Variants in CACNA1C observed in about 807,000 individuals in gnomAD.
CACNA1C encodes voltage-dependent L-type calcium channel subunit alpha-1C.
In CACNA1C, 30 loss-of-function variants were observed where a neutral mutation model predicts 229.0. The ratio of observed to expected loss-of-function variants is 0.13; its 90% CI spans 0.10 to 0.18. The LOEUF is 0.18. CACNA1C is among the 10% of genes least tolerant of loss of function. CACNA1C has a pLI of 1.00. For synonymous variants in CACNA1C, 1,114 were observed against 1,132.5 expected (o/e 0.98, Z 0.33); for missense variants, 1,658 against 2,845.0 (o/e 0.58, Z 9.49).
chr12:2,656,928 A>G (rs986085061), intron 34 of CACNA1C, among the ~76,000 whole-genome samples: 2 of 151,734 alleles, frequency 1.3e-5, no homozygotes, highest in African/African-American at 4.9e-5. Context: ...ACAAAAGTAT[A>G]TATGTAATAG....
At position 2,687,509 on chromosome 12, in the gene CACNA1C, T is replaced by A. The variant is rs960347144; in HGVS notation, c.5785-938T>A. ...TCCCTACCCTCAGGATGCTCAAGAATATTCAGGGACAGAGGGCGTACCGTG... is the reference window on the plus strand; with the variant it reads ...TCCCTACCCTCAGGATGCTCAAGAAAATTCAGGGACAGAGGGCGTACCGTG... On this transcript the variant is annotated intron_variant, in intron 45 of 46. Coordinates refer to ENST00000399655, the MANE Select transcript of CACNA1C (RefSeq NM_000719.7). Among the ~76,000 whole-genome samples the A allele has an allele frequency of 4.0e-5, 6 of 151,464 alleles. No homozygotes were observed. In the East Asian group the frequency reaches 1.2e-3, roughly 30 times the overall value.
intron 3 of CACNA1C, among the ~76,000 whole-genome samples, chr12:2,338,762 T>C (rs2096776736): frequency 6.6e-6 from 1 of 152,090 alleles, no homozygotes; most frequent in South Asian, 2.1e-4. Flanking sequence ...GGAGGTGCCC[T>C]TGGGGGTGGA....
chr12:2,253,078 G>T (rs1018370456), intron 3 of CACNA1C, among the ~76,000 whole-genome samples: 1 of 152,214 alleles, frequency 6.6e-6, no homozygotes, highest in Non-Finnish European at 1.5e-5. Flanking sequence ...CCCCAGGGGA[G>T]AAGTGACCTA....
chr12:2,097,270 C>T (rs949508773), intron 1 of CACNA1C, among the ~76,000 whole-genome samples: 6 of 152,204 alleles, frequency 3.9e-5, no homozygotes, highest in East Asian at 3.9e-4. Flanking sequence ...CTCAGCCTCC[C>T]GTGTAGCTGG....
In CACNA1C at chr12:2,174,905, A is replaced by G. The variant is rs575446844; in HGVS notation, c.477+54475A>G. ...TCATTAAGTGGAAGTGAACCATTGT[A>G]AAGGTCTTCATCCTCCTTGTCTTCA... On this transcript the variant is annotated intron_variant, in intron 3 of 46. Transcript: ENST00000399655. 2.1e-3 allele frequency among the ~76,000 whole-genome samples: 315 copies of G among 152,342 alleles called. 1 individual carries two copies. Among genetic ancestry groups the G allele is most frequent in the Non-Finnish European group, 3.8e-3 (261 of 68,028 alleles).
At chr12:2,276,289 T>C (rs1479867452) in intron 3 of CACNA1C, among the ~76,000 whole-genome samples, 3 of 152,190 alleles carry the variant, frequency 2.0e-5, no homozygotes, top group African/African-American at 7.2e-5. Flanking sequence ...GGTTTCAGGA[T>C]TGGAGCAGAC....
chr12:2,412,987 C>T (rs769375355), intron 3 of CACNA1C, among the ~76,000 whole-genome samples: 8 of 152,206 alleles, frequency 5.3e-5, no homozygotes, highest in Non-Finnish European at 8.8e-5. Flanking sequence ...AAGATACTCT[C>T]ATAAAATAAG....
chr12:1,993,040 G>GTTTA (rs2039849451), intron 1 of CACNA1C: 2 of 681,832 alleles, frequency 2.9e-6, no homozygotes, highest in Non-Finnish European at 5.1e-6. Context: ...AAAAGACAGG[G>GTTTA]TTTAGGTTTA....
At chr12:2,059,394 C>T (rs1216189260) in intron 1 of CACNA1C, among the ~76,000 whole-genome samples, 4 of 151,612 alleles carry the variant, frequency 2.6e-5, no homozygotes, top group Admixed American at 6.6e-5. Context: ...GCTCAGGAGT[C>T]GGACCGAGGT....
chr12:2,425,089 A>T (rs1171479884), intron 3 of CACNA1C, among the ~76,000 whole-genome samples: 1 of 152,264 alleles, frequency 6.6e-6, no homozygotes, highest in African/African-American at 2.4e-5. Flanking sequence ...CACATTCCCC[A>T]GGGAGGGATA....
Position 2,677,607 on chromosome 12 carries a change from G to C in CACNA1C, c.4957-126G>C. ...TTCACACACACACAAACCTTCCGGA[G>C]GGTCGACTGGCTGGGTGGAGGATGC... is the stretch of plus-strand genomic sequence containing the variant. On this transcript the variant is annotated intron_variant, in intron 40 of 46. Transcript: ENST00000399655. The surrounding 1 kb of genome is among the most constrained non-coding windows in gnomAD (Gnocchi z 7.4). The C allele has an allele frequency of 9.2e-7, 1 of 1,087,836 alleles. No individual in the cohort carries two copies. Among genetic ancestry groups the C allele is most frequent in the South Asian group, 1.5e-5 (1 of 66,184 alleles). 67.4% of individuals were successfully genotyped at this position (1,087,836 alleles called of 1,614,324 possible). A position where few individuals can be genotyped will look rare whatever the true frequency, so the allele number is the denominator to read the frequency against.
intron 3 of CACNA1C, among the ~76,000 whole-genome samples, chr12:2,340,219 A>G (rs1253396015): frequency 1.3e-5 from 2 of 152,242 alleles, no homozygotes; most frequent in African/African-American, 4.8e-5. Flanking sequence ...AAAATAAATA[A>G]CTGTATTCTA....
chr12:2,282,957 G>A (rs147329144), intron 3 of CACNA1C, among the ~76,000 whole-genome samples: 1 of 151,800 alleles, frequency 6.6e-6, no homozygotes, highest in Non-Finnish European at 1.5e-5. Flanking sequence ...GGGGCTCCAG[G>A]CATCACACCC....
At chr12:2,211,163 G>C (rs1375891743) in intron 3 of CACNA1C, among the ~76,000 whole-genome samples, 2 of 152,232 alleles carry the variant, frequency 1.3e-5, no homozygotes, top group Non-Finnish European at 2.9e-5. Context: ...TCAGCAATGA[G>C]AGCAGTAAAT....
At chr12:2,501,302 T>C (rs574413756) in intron 7 of CACNA1C, among the ~76,000 whole-genome samples, 1 of 150,862 alleles carries the variant, frequency 6.6e-6, no homozygotes, top group African/African-American at 2.4e-5. Context: ...GGACTTACTC[T>C]GAGAGAGGAA....
At chr12:2,635,832 CTGTG>C (rs572587436) in intron 30 of CACNA1C, among the ~76,000 whole-genome samples, 1 of 151,818 alleles carries the variant, frequency 6.6e-6, no homozygotes, top group Non-Finnish European at 1.5e-5. Context: ...GAGTGCATGT[CTGTG>C]TGTGTGTGAG....
intron 5 of CACNA1C, among the ~76,000 whole-genome samples, chr12:2,474,145 A>G (rs1377233791): frequency 2.0e-5 from 3 of 152,226 alleles, no homozygotes; most frequent in Admixed American, 2.0e-4. Flanking sequence ...AACCATAGAG[A>G]TATTTTGAAG....
chr12:2,225,382 CATAA>C (rs1382643224), intron 3 of CACNA1C, among the ~76,000 whole-genome samples: 3 of 152,112 alleles, frequency 2.0e-5, no homozygotes, highest in African/African-American at 4.8e-5. Context: ...ATAACAGTAG[CATAA>C]ATAATTAACA....
chr12:2,555,873 C>T (rs1049497947), intron 10 of CACNA1C, among the ~76,000 whole-genome samples: 9 of 152,128 alleles, frequency 5.9e-5, no homozygotes, highest in Non-Finnish European at 8.8e-5. Flanking sequence ...AGCTGTGTGC[C>T]GCGCTGGGAC....
Sources: allele counts gnomAD v4.1 joint callset (sites outside exome capture counted in the v4.1 genomes callset), GRCh38; gene constraint gnomAD v4.1.1; non-coding constraint Gnocchi (gnomAD v3.1); transcripts MANE v1.5; gene names NCBI Gene and HGNC (gene_info 2026-07-23, HGNC 2026-07-21).